The following DMD variants were observed in gnomAD, a reference collection of about 807,000 sequenced individuals.
The protein encoded by DMD is dystrophin, also known as mutant dystrophin.
In DMD, 63 loss-of-function variants were observed where a neutral mutation model predicts 330.1. The ratio of observed to expected loss-of-function variants is 0.19; its 90% confidence interval spans 0.16 to 0.24. DMD has a LOEUF of 0.24. Among genes scored for constraint, DMD ranks in the 10% least tolerant of loss-of-function variants. The pLI is 1.00. For missense variants in DMD, 3,344 were observed against 2,684.1 expected (o/e 1.25, Z -5.43); for synonymous variants, 1,223 against 959.8 (o/e 1.27, Z -5.07).
chrX:32,187,082 G>GA (rs747665620), intron 44 of DMD, among the ~76,000 whole-genome samples: 1 of 109,658 alleles, frequency 9.1e-6, no homozygotes, highest in Admixed American at 9.7e-5. Context: ...GGCCATCCAA[G>GA]AAAAAAAATA....
chrX:32,023,839 GACA>G (rs1267059320), intron 44 of DMD, among the ~76,000 whole-genome samples: 3 of 111,749 alleles, frequency 2.7e-5, no homozygotes, highest in East Asian at 2.8e-4. Flanking sequence ...CGCAGGAACA[GACA>G]ACGAGTACTG....
intron 55 of DMD, among the ~76,000 whole-genome samples, chrX:31,526,817 T>C (rs1032759795): frequency 3.6e-5 from 4 of 112,031 alleles, no homozygotes; most frequent in African/African-American, 1.3e-4. Context: ...TTTTTATATT[T>C]TAAAAAGAGG....
At chrX:31,389,178 T>A (rs1418777181) in intron 60 of DMD, among the ~76,000 whole-genome samples, 1 of 111,630 alleles carries the variant, frequency 9.0e-6, no homozygotes, top group African/African-American at 3.2e-5. Flanking sequence ...CTTGGGGGAG[T>A]GTAGATTATT....
chrX:32,272,331 T>C (rs2097368170), intron 43 of DMD, among the ~76,000 whole-genome samples: 1 of 112,057 alleles, frequency 8.9e-6, no homozygotes, highest in Non-Finnish European at 1.9e-5. Context: ...CATCAGAAAA[T>C]CCTTTACCAC....
intron 50 of DMD, among the ~76,000 whole-genome samples, chrX:31,786,621 C>T (rs749603785): frequency 1.8e-5 from 2 of 111,523 alleles, no homozygotes; most frequent in Non-Finnish European, 1.9e-5. Flanking sequence ...CTTCTGGAGT[C>T]GATGCACCCA....
intron 1 of DMD, among the ~76,000 whole-genome samples, chrX:33,334,640 G>A (rs1460780534): frequency 9.0e-6 from 1 of 111,128 alleles, no homozygotes; most frequent in Non-Finnish European, 1.9e-5. Context: ...TTCTTGAAAT[G>A]AAACAATTCA....
At chrX:32,318,367 C>T (rs1360134485) in intron 41 of DMD, among the ~76,000 whole-genome samples, 1 of 111,494 alleles carries the variant, frequency 9.0e-6, no homozygotes, top group Admixed American at 9.5e-5. Context: ...CAACATGATG[C>T]AGGTGAGACG....
chrX:32,025,033 T>G (rs748019837), intron 44 of DMD, among the ~76,000 whole-genome samples: 6 of 111,516 alleles, frequency 5.4e-5, no homozygotes, highest in Non-Finnish European at 1.1e-4. Context: ...GTTGGTAGCC[T>G]CAAGTCCTCA....
At chrX:31,443,242 G>A (rs2065061716) in intron 60 of DMD, among the ~76,000 whole-genome samples, 1 of 110,848 alleles carries the variant, frequency 9.0e-6, no homozygotes, top group African/African-American at 3.3e-5. Flanking sequence ...CACTGAGAAG[G>A]TAGACGCACC....
intron 11 of DMD, among the ~76,000 whole-genome samples, chrX:32,616,266 T>C (rs1968856884): frequency 9.0e-6 from 1 of 111,350 alleles, no homozygotes; most frequent in Non-Finnish European, 1.9e-5. Flanking sequence ...CACTGTTTTT[T>C]AATAAGAAAG....
intron 11 of DMD, among the ~76,000 whole-genome samples, chrX:32,621,145 G>T (rs2057957228): frequency 9.0e-6 from 1 of 111,268 alleles, no homozygotes; most frequent in Non-Finnish European, 1.9e-5. Context: ...GTAAAGGGGG[G>T]CCTTTAGTGC....
intron 45 of DMD, among the ~76,000 whole-genome samples, chrX:31,959,215 A>G (rs762909118): frequency 3.5e-4 from 39 of 111,867 alleles, no homozygotes; most frequent in African/African-American, 1.3e-3. Context: ...GGGACATATG[A>G]GGATGCAAAT....
intron 59 of DMD, among the ~76,000 whole-genome samples, chrX:31,453,974 T>C (rs1463280512): frequency 9.0e-6 from 1 of 110,957 alleles, no homozygotes; most frequent in Non-Finnish European, 1.9e-5. Flanking sequence ...AAAATACCAA[T>C]ATTTTCTGTC....
chrX:32,894,439 G>A (rs1238643882), intron 2 of DMD, among the ~76,000 whole-genome samples: 3 of 112,792 alleles, frequency 2.7e-5, no homozygotes, highest in Non-Finnish European at 5.6e-5. Flanking sequence ...GCAGCACAGT[G>A]GTAGTGATGG....
chrX:33,197,556 T>C (rs1284819490), intron 1 of DMD, among the ~76,000 whole-genome samples: 3 of 111,684 alleles, frequency 2.7e-5, no homozygotes, highest in East Asian at 2.8e-4. Context: ...CAAGGCTCCA[T>C]TGTGGCACCA....
At chrX:31,390,376 T>C (rs1448125118) in intron 60 of DMD, among the ~76,000 whole-genome samples, 1 of 110,396 alleles carries the variant, frequency 9.1e-6, no homozygotes, top group Non-Finnish European at 1.9e-5. Context: ...TGTATCAATA[T>C]TTTTCTCATT....
In DMD at chrX:32,676,245, G is replaced by T. The variant is rs1293272490; in HGVS notation, c.960+21625C>A. On this transcript the variant is annotated intron_variant, in intron 9 of 78. Coordinates refer to ENST00000357033, the MANE Select transcript of DMD (RefSeq NM_004006.3). Reference sequence around the variant, plus strand: ...CACATTCTTCAGTTGAAGCAATAGAGCCCTTTCACTACCTGTTCTGGGAAT... The same window carrying T: ...CACATTCTTCAGTTGAAGCAATAGATCCCTTTCACTACCTGTTCTGGGAAT... Among the ~76,000 whole-genome samples the T allele has an allele frequency of 2.7e-5, 3 of 111,149 alleles. No homozygotes were observed. The Admixed American group carries it at 2.9e-4, about 11-fold the overall frequency.
At chrX:32,499,923 T>A (rs1359488939) in intron 19 of DMD, among the ~76,000 whole-genome samples, 5 of 111,414 alleles carry the variant, frequency 4.5e-5, no homozygotes, top group Non-Finnish European at 9.4e-5. Context: ...AATAGATAAG[T>A]TAGAATATTT....
chrX:32,301,047 C>CTATTAGTAACTATTGTAAACTAAT (rs2097521664), intron 42 of DMD, among the ~76,000 whole-genome samples: 1 of 109,551 alleles, frequency 9.1e-6, no homozygotes, highest in South Asian at 3.9e-4. Flanking sequence ...ATATTGATGA[C>CTATTAGTAACTATTGTAAACTAAT]AGTAAACTAT....
Sources: gnomAD v4.1 joint callset for allele counts (sites outside exome capture counted in the v4.1 genomes callset) on GRCh38, gnomAD v4.1.1 for gene constraint, MANE v1.5 for transcripts, NCBI Gene and HGNC (gene_info 2026-07-23, HGNC 2026-07-21) for gene names.